DNAH6: variants seen among roughly 807,000 people sequenced by gnomAD.
DNAH6 encodes the protein axonemal beta dynein heavy chain 6.
In DNAH6, 340 loss-of-function variants were observed where a neutral mutation model predicts 491.4. The observed-to-expected ratio is 0.69, with a 90% CI of 0.63 to 0.76. DNAH6 has a LOEUF of 0.76. DNAH6 is among the 30% of genes least tolerant of loss of function. The probability of loss-of-function intolerance (pLI) is 0.00; values close to 1 mark genes in which losing one functional copy is unlikely to be tolerated. For synonymous variants in DNAH6, 1,603 were observed against 1,686.1 expected, an observed-to-expected ratio of 0.95 and a Z score of 1.21; for missense variants, 4,443 against 4,972.2, an observed-to-expected ratio of 0.89 and a Z score of 3.20.
chr2:84,471,125 A>G, the DNAH6 span, among the ~76,000 whole-genome samples: 1 of 152,238 alleles, frequency 6.6e-6, no homozygotes, highest in Admixed American at 6.5e-5. Context: ...TATGTCAGAC[A>G]TGCAAGCCCT....
intron 22 of DNAH6, among the ~76,000 whole-genome samples, chr2:84,615,710 T>A (rs1276951047): frequency 6.6e-6 from 1 of 152,128 alleles, no homozygotes; most frequent in East Asian, 1.9e-4. Context: ...ATGATTTCTT[T>A]CAGCAGTGTT....
chr2:84,561,350 A>G (rs1348334409), intron 11 of DNAH6, among the ~76,000 whole-genome samples: 1 of 152,200 alleles, frequency 6.6e-6, no homozygotes, highest in Non-Finnish European at 1.5e-5. Context: ...GAAAGCTGAA[A>G]CTGGATCCCT....
At chr2:84,703,040 G>T (rs1402572664) in intron 49 of DNAH6, among the ~76,000 whole-genome samples, 3 of 152,198 alleles carry the variant, frequency 2.0e-5, no homozygotes, top group Non-Finnish European at 4.4e-5. Context: ...TCCCAGAGCT[G>T]CAGCCTCCAG....
chr2:84,709,430 T>G lies in DNAH6; in HGVS notation c.9136T>G (p.Tyr3046Asp). 4 of 1,551,720 alleles carry G rather than the reference T, an allele frequency of 2.6e-6. No homozygotes were observed. The highest frequency in any genetic ancestry group is 3.5e-6 in the Non-Finnish European group (4 of 1,147,002). ...TCTCATTAACATTCTTGGAGATCCC[T>G]ACGAGATACGGCAGTGGAACACTGA... ...FSLINILGDP[Y>D]EIRQWNTDGL... The change falls in exon 55 of 77, where the codon TAC becomes GAC. Residue 3046 changes from tyrosine (Y) to aspartate (D), a missense_variant. By Grantham distance (160) the Tyr-to-Asp change is radical. Coordinates refer to ENST00000389394, the MANE Select transcript of DNAH6 (RefSeq NM_001370.2).
intron 33 of DNAH6, among the ~76,000 whole-genome samples, chr2:84,644,040 G>A (rs1461617031): frequency 6.6e-6 from 1 of 152,190 alleles, no homozygotes; most frequent in African/African-American, 2.4e-5. Context: ...TAATGTAGTG[G>A]TAAGGTGCAG....
the DNAH6 span, among the ~76,000 whole-genome samples, chr2:84,500,843 A>G: frequency 1.3e-5 from 2 of 152,212 alleles, no homozygotes; most frequent in African/African-American, 2.4e-5. Flanking sequence ...GTTGGCATAT[A>G]GAAATTCTAC....
chr2:84,521,434 C>G (rs1275393088), intron 2 of DNAH6, among the ~76,000 whole-genome samples: 2 of 152,006 alleles, frequency 1.3e-5, no homozygotes, highest in Non-Finnish European at 2.9e-5. Flanking sequence ...TTTTTTCACT[C>G]TGTTGATAGT....
In DNAH6 at chr2:84,730,711, A is replaced by G. The variant is rs574626708; in HGVS notation, c.10207-2733A>G. ...ATTTTCTCTTAATGCTAGGAATCCA[A>G]AAAATGATGCTAGTACATAATAATA... On this transcript the variant is annotated intron_variant, in intron 61 of 76. Transcript: ENST00000389394. Among the ~76,000 whole-genome samples, 10 of 152,366 alleles carry G rather than the reference A, an allele frequency of 6.6e-5. No individual in the cohort carries two copies. The East Asian group carries it at 1.7e-3, about 26-fold the overall frequency.
chr2:84,563,516 T>C (rs1261129800), intron 11 of DNAH6, among the ~76,000 whole-genome samples: 1 of 152,050 alleles, frequency 6.6e-6, no homozygotes, highest in Non-Finnish European at 1.5e-5. Context: ...TTTCATATGT[T>C]TGCTGGCTGC....
At chr2:84,477,830 C>T in the DNAH6 span, among the ~76,000 whole-genome samples, 5 of 152,180 alleles carry the variant, frequency 3.3e-5, no homozygotes, top group Non-Finnish European at 7.3e-5. Flanking sequence ...CCTCTAGAAT[C>T]GGGATGTGCT....
chr2:84,653,899 T>A (rs1189353802), intron 34 of DNAH6, 25 bp downstream of exon 34: 2 of 1,500,368 alleles, frequency 1.3e-6, no homozygotes, highest in Non-Finnish European at 1.8e-6. Flanking sequence ...TACTGTGGAG[T>A]GAAATCATTC....
intron 10 of DNAH6, among the ~76,000 whole-genome samples, chr2:84,556,408 C>G (rs1313758493): frequency 2.6e-5 from 4 of 152,220 alleles, no homozygotes; most frequent in African/African-American, 9.6e-5. Context: ...ACCTAAATGA[C>G]TCACCTGCCT....
At chr2:84,588,775 T>G in intron 15 of DNAH6, 51 bp from the exon 16 acceptor site, 1 of 1,426,650 alleles carries the variant, frequency 7.0e-7, no homozygotes, top group Non-Finnish European at 9.3e-7. Context: ...ATTTAATTGG[T>G]CTTTATCAAA....
chr2:84,800,848 A>G (rs951618564), intron 70 of DNAH6, among the ~76,000 whole-genome samples: 4 of 152,072 alleles, frequency 2.6e-5, no homozygotes, highest in African/African-American at 7.2e-5. Context: ...AACCAACCCA[A>G]ATGTCCAACA....
the DNAH6 span, among the ~76,000 whole-genome samples, chr2:84,508,022 A>G: frequency 6.6e-6 from 1 of 152,288 alleles, no homozygotes; most frequent in Non-Finnish European, 1.5e-5. Context: ...ATTGGTCTAA[A>G]ATTCTCTTTT....
chr2:84,809,434 C>T (rs1455289288), intron 72 of DNAH6, among the ~76,000 whole-genome samples: 1 of 152,134 alleles, frequency 6.6e-6, no homozygotes, highest in Non-Finnish European at 1.5e-5. Context: ...TTAGGCGGGT[C>T]AGCTGAGTAT....
At chr2:84,704,660 G>T (rs1696259231) in intron 51 of DNAH6, among the ~76,000 whole-genome samples, 1 of 152,200 alleles carries the variant, frequency 6.6e-6, no homozygotes, top group Non-Finnish European at 1.5e-5. Context: ...TGGATAGTGG[G>T]ACCATAGGCG....
intron 17 of DNAH6, among the ~76,000 whole-genome samples, chr2:84,594,358 C>G (rs1684384757): frequency 1.3e-5 from 1 of 79,504 alleles, no homozygotes; most frequent in African/African-American, 4.9e-5. Context: ...TTTGTGGTTT[C>G]TAAACACAAT....
At chr2:84,723,786 A>G (rs1028733191) in intron 60 of DNAH6, among the ~76,000 whole-genome samples, 3 of 152,162 alleles carry the variant, frequency 2.0e-5, no homozygotes, top group African/African-American at 7.2e-5. Context: ...TCACAGTTGA[A>G]TTTCATCTGC....
Sources: gnomAD v4.1 joint callset for allele counts (sites outside exome capture counted in the v4.1 genomes callset) on GRCh38, gnomAD v4.1.1 for gene constraint, MANE v1.5 for transcripts, NCBI Gene and HGNC (gene_info 2026-07-23, HGNC 2026-07-21) for gene names.